The following ARHGAP22 variants were observed in gnomAD, a reference collection of about 807,000 sequenced individuals.
The protein encoded by ARHGAP22 is rho GTPase-activating protein 22.
ARHGAP22 carries 48 observed loss-of-function variants against 59.1 expected under a neutral mutation model. The ratio of observed to expected loss-of-function variants is 0.81; its 90% CI spans 0.64 to 1.03. The LOEUF is 1.03. ARHGAP22 is among the 50% of genes least tolerant of loss of function. The pLI, the probability that ARHGAP22 is intolerant of heterozygous loss-of-function variation, is 0.00. For synonymous variants in ARHGAP22, 445 were observed against 416.4 expected (o/e 1.07, Z -0.84); for missense variants, 1,015 against 958.7 (o/e 1.06, Z -0.78).
In ARHGAP22 at chr10:48,479,616, A is replaced by C. The variant is rs1328110681; in HGVS notation, c.451+20T>G. Reference sequence around the variant, plus strand: ...GAGGCAAGGGTTCTAGAGGGTGGGCATGCGATCTACGGGCAGTACCTCCGC... The same window carrying C: ...GAGGCAAGGGTTCTAGAGGGTGGGCCTGCGATCTACGGGCAGTACCTCCGC... On this transcript the variant is annotated intron_variant, in intron 4 of 9. Transcript: ENST00000249601. 6.2e-7 allele frequency: 1 copy of C among 1,613,794 alleles called. No homozygotes were observed. Among genetic ancestry groups the C allele is most frequent in the Non-Finnish European group, 8.5e-7 (1 of 1,179,994 alleles).
At chr10:48,618,887 G>A (rs1411259043) in intron 1 of ARHGAP22, among the ~76,000 whole-genome samples, 2 of 152,020 alleles carry the variant, frequency 1.3e-5, no homozygotes. Flanking sequence ...AGAACATCCA[G>A]GTTGCAAAGG....
chr10:48,535,820 G>T (rs1216140473), intron 3 of ARHGAP22, among the ~76,000 whole-genome samples: 1 of 152,182 alleles, frequency 6.6e-6, no homozygotes, highest in Non-Finnish European at 1.5e-5. Context: ...AGGCCCTGAG[G>T]GTTGTCAGCA....
upstream of ARHGAP22, among the ~76,000 whole-genome samples, chr10:48,655,054 C>CT (rs1309930149): frequency 3.2e-5 from 2 of 61,596 alleles, no homozygotes; most frequent in Admixed American, 1.9e-4. Flanking sequence ...TTCTTTCTTT[C>CT]TCCTTCCTTC....
At chr10:48,557,801 G>C (rs2057404132) in intron 2 of ARHGAP22, among the ~76,000 whole-genome samples, 1 of 152,232 alleles carries the variant, frequency 6.6e-6, no homozygotes, top group Admixed American at 6.5e-5. Flanking sequence ...AGATTCCTCT[G>C]CCTCCCACAG....
At chr10:48,501,186 T>G (rs2051484884) in intron 3 of ARHGAP22, among the ~76,000 whole-genome samples, 1 of 152,222 alleles carries the variant, frequency 6.6e-6, no homozygotes, top group Non-Finnish European at 1.5e-5. Flanking sequence ...TTTGAATATG[T>G]ACAAAGTATC....
At chr10:48,606,981 A>T (rs558754901), upstream of ARHGAP22, among the ~76,000 whole-genome samples, 1 of 152,208 alleles carries the variant, frequency 6.6e-6, no homozygotes, top group Non-Finnish European at 1.5e-5. Flanking sequence ...CTTTAAGGCC[A>T]GGTACAAGCC....
At chr10:48,648,980 A>C (rs1355523274) in intron 1 of ARHGAP22, among the ~76,000 whole-genome samples, 1 of 152,170 alleles carries the variant, frequency 6.6e-6, no homozygotes, top group Non-Finnish European at 1.5e-5. Context: ...GGAAGGGCCA[A>C]GGGTGGGAAG....
At chr10:48,448,697 G>A (rs1431687401) in intron 9 of ARHGAP22, among the ~76,000 whole-genome samples, 6 of 150,694 alleles carry the variant, frequency 4.0e-5, no homozygotes, top group Admixed American at 6.7e-5. Context: ...CTTCCTTCCT[G>A]TGCTCAGAGA....
At chr10:48,626,188 G>T (rs2061442923) in intron 1 of ARHGAP22, among the ~76,000 whole-genome samples, 1 of 152,126 alleles carries the variant, frequency 6.6e-6, no homozygotes, top group Non-Finnish European at 1.5e-5. Context: ...CTAAATCAGA[G>T]CCAATTATAA....
intron 4 of ARHGAP22, among the ~76,000 whole-genome samples, chr10:48,475,675 T>G (rs2048649898): frequency 6.6e-6 from 1 of 152,190 alleles, no homozygotes; most frequent in Non-Finnish European, 1.5e-5. Context: ...ATTCAATGAC[T>G]TCTTATCGCC....
rs534420213 is a variant in ARHGAP22, at chr10:48,616,241, C to T, written c.53-33089G>A. 1.0e-3 allele frequency among the ~76,000 whole-genome samples: 158 copies of T among 152,204 alleles called. 1 individual carries two copies. The highest frequency in any genetic ancestry group is 1.6e-3 in the African/African-American group (66 of 41,534). On this transcript the variant is annotated intron_variant, in intron 1 of 9. Transcript: ENST00000435790. The stretch of plus-strand genomic sequence containing the variant: ...TAAATTATATACATTTTATGCTTAA[C>T]GGACTACAATATAGTGAAAAGATAA...
the ARHGAP22 span, chr10:48,431,291 G>A: frequency 6.5e-7 from 1 of 1,546,660 alleles, no homozygotes. Flanking sequence ...ATATAAGCTT[G>A]GTTAAGATTA....
At chr10:48,478,583 C>T (rs1250721610) in intron 4 of ARHGAP22, among the ~76,000 whole-genome samples, 2 of 152,210 alleles carry the variant, frequency 1.3e-5, no homozygotes, top group East Asian at 3.8e-4. Flanking sequence ...TGGTCAGAGC[C>T]CAGCCAGCTT....
the ARHGAP22 span, chr10:48,439,137 C>T: frequency 6.6e-6 from 1 of 151,908 alleles, no homozygotes; most frequent in Non-Finnish European, 1.5e-5. Context: ...TGTCATTCCT[C>T]CTCCATTCCT....
Position 48,459,456 on chromosome 10 carries a change from G to A in ARHGAP22, c.659+228C>T, listed in dbSNP as rs574124572. Among the ~76,000 whole-genome samples, 6 of 152,334 alleles carry A rather than the reference G, an allele frequency of 3.9e-5. No homozygotes were observed. In the East Asian group the frequency reaches 1.2e-3, roughly 29 times the overall value. ...CAGGTTTATTAGCATGTGCAGGGGA[G>A]GCAGGCTGTGTGGATGTGAGCTGGC... is the stretch of plus-strand genomic sequence containing the variant. On this transcript the variant is annotated intron_variant, in intron 5 of 9. Transcript: ENST00000249601.
rs374880054 is a variant in ARHGAP22, at chr10:48,446,219, C to G, written c.*172G>C. On this transcript the variant is annotated 3_prime_UTR_variant, in exon 10 of 10. Coordinates refer to ENST00000249601, the MANE Select transcript of ARHGAP22 (RefSeq NM_021226.4). ...TGGTTGGAGCAGCATCTGATCCCAC[C>G]TGGAGTGTGTGGGGTCCCAAAAGTC... 6.2e-5 allele frequency: 41 copies of G among 661,950 alleles called. No individual in the cohort carries two copies. In the African/African-American group the frequency reaches 6.9e-4, roughly 11 times the overall value. 41.0% of individuals were successfully genotyped at this position (661,950 alleles called of 1,614,324 possible). A position where few individuals can be genotyped will look rare whatever the true frequency, so the allele number is the denominator to read the frequency against.
At chr10:48,440,135 T>C in the ARHGAP22 span, among the ~76,000 whole-genome samples, 1 of 149,634 alleles carries the variant, frequency 6.7e-6, no homozygotes, top group African/African-American at 2.4e-5. Flanking sequence ...TTTTTTTTTC[T>C]TTTTCAGTAT....
chr10:48,477,433 G>C (rs995413415), intron 4 of ARHGAP22, among the ~76,000 whole-genome samples: 1 of 152,178 alleles, frequency 6.6e-6, no homozygotes, highest in Non-Finnish European at 1.5e-5. Context: ...ACTTGGGTTA[G>C]TGTCAGGCTA....
chr10:48,450,301 G>A lies in ARHGAP22; in HGVS notation c.1828C>T (p.Leu610=), dbSNP rs1415610182. The A allele has an allele frequency of 1.9e-6, 3 of 1,607,944 alleles. No individual in the cohort carries two copies. In the African/African-American group the frequency reaches 4.0e-5, roughly 21 times the overall value. Residue 610 remains leucine, a synonymous_variant, in exon 9 of 10, where the codon CTG becomes TTG. Coordinates refer to ENST00000249601, the MANE Select transcript of ARHGAP22 (RefSeq NM_021226.4). ...QGLVTELRAE[L]CRQRTEYERS... is the part of the protein sequence containing the mutation. ...TCGTACTCAGTCCGCTGGCGGCACA[G>A]CTCGGCCCTGAGCTCAGTGACCAGC...
Sources: allele counts gnomAD v4.1 joint callset (sites outside exome capture counted in the v4.1 genomes callset), GRCh38; gene constraint gnomAD v4.1.1; transcripts MANE v1.5; gene names NCBI Gene and HGNC (gene_info 2026-07-23, HGNC 2026-07-21).